OSBPL8: variants seen among roughly 807,000 people sequenced by gnomAD.
The protein encoded by OSBPL8 is oxysterol-binding protein-related protein 8.
In OSBPL8, 59 loss-of-function variants were observed where a neutral mutation model predicts 125.5. The ratio of observed to expected loss-of-function variants is 0.47; its 90% CI spans 0.38 to 0.58. OSBPL8 has a LOEUF of 0.58. OSBPL8 is among the 20% of genes least tolerant of loss of function. OSBPL8 has a pLI of 0.00. For missense variants in OSBPL8, 758 were observed against 1,047.8 expected, an observed-to-expected ratio of 0.72 and a Z score of 3.82; for synonymous variants, 330 against 338.9, an observed-to-expected ratio of 0.97 and a Z score of 0.29.
chr12:76,457,762 C>A (rs1464043084), intron 3 of OSBPL8, among the ~76,000 whole-genome samples: 1 of 151,704 alleles, frequency 6.6e-6, no homozygotes, highest in South Asian at 2.1e-4. Context: ...TTCTTCTATT[C>A]GAAGTAAAAA....
At chr12:76,375,185 T>C (rs1162103663) in intron 17 of OSBPL8, 88 bp downstream of exon 17, 1 of 859,042 alleles carries the variant, frequency 1.2e-6, no homozygotes, top group Non-Finnish European at 1.8e-6. Flanking sequence ...ATTTAGTCCT[T>C]AATTAGGAAA....
intron 2 of OSBPL8, among the ~76,000 whole-genome samples, chr12:76,482,234 T>C (rs898472860): frequency 6.6e-6 from 1 of 152,212 alleles, no homozygotes; most frequent in Non-Finnish European, 1.5e-5. Flanking sequence ...CAATTTTTAA[T>C]ACAATAAAAG....
Position 76,410,605 on chromosome 12 carries a change from G to T in OSBPL8, c.247C>A (p.Gln83Lys). 1 of 1,606,368 alleles carries T rather than the reference G, an allele frequency of 6.2e-7. No homozygotes were observed. Residue 83 changes from glutamine (Q) to lysine (K), a missense_variant, in exon 5 of 24, where the codon CAA (glutamine) becomes AAA (lysine). Around this residue, in one of 3 missense-constraint regions of OSBPL8, gnomAD observed 117 missense variants for 137.1 expected, o/e 0.85. Coordinates refer to ENST00000261183, the MANE Select transcript of OSBPL8 (RefSeq NM_020841.5). ...GFERGKEDIS[Q>K]NKDESSLSMS... ...GAAAGTGAAGATTCATCTTTATTTTGAGAAATATCTTCCTTCCCTCTTTCA... is the reference window on the plus strand; with the variant it reads ...GAAAGTGAAGATTCATCTTTATTTTTAGAAATATCTTCCTTCCCTCTTTCA...
chr12:76,366,543 T>A (rs1049763166), intron 21 of OSBPL8: 3 of 431,822 alleles, frequency 6.9e-6, no homozygotes, highest in Non-Finnish European at 1.4e-5. Flanking sequence ...ATTTTGTTTA[T>A]CTGTACTCTA....
chr12:76,375,741 TAAA>T (rs75181715), intron 16 of OSBPL8, among the ~76,000 whole-genome samples: 7 of 146,708 alleles, frequency 4.8e-5, no homozygotes, highest in Non-Finnish European at 7.5e-5. Context: ...CACATTGTTT[TAAA>T]AAAAAAAAAA....
At chr12:76,428,268 C>T (rs1258376282) in intron 4 of OSBPL8, among the ~76,000 whole-genome samples, 1 of 151,742 alleles carries the variant, frequency 6.6e-6, no homozygotes, top group Admixed American at 6.6e-5. Context: ...CTGCTAAATG[C>T]CCAGAGAAAA....
intron 2 of OSBPL8, among the ~76,000 whole-genome samples, chr12:76,477,220 T>C (rs1344222858): frequency 6.6e-6 from 1 of 152,224 alleles, no homozygotes; most frequent in African/African-American, 2.4e-5. Flanking sequence ...GAGTTTCCTT[T>C]ATACTCTTAG....
intron 6 of OSBPL8, among the ~76,000 whole-genome samples, chr12:76,402,108 AATAT>A (rs969317073): frequency 4.6e-5 from 7 of 152,166 alleles, no homozygotes; most frequent in African/African-American, 1.7e-4. Context: ...TGCAAATACA[AATAT>A]ATATAGGACC....
chr12:76,548,085 G>A (rs149537661), intron 1 of OSBPL8, among the ~76,000 whole-genome samples: 95 of 152,158 alleles, frequency 6.2e-4, no homozygotes, highest in African/African-American at 2.3e-3. Flanking sequence ...TATGAAGCTA[G>A]AAGAAGACTT....
chr12:76,377,255 T>C (rs929518726), intron 16 of OSBPL8, among the ~76,000 whole-genome samples: 1 of 152,214 alleles, frequency 6.6e-6, no homozygotes, highest in African/African-American at 2.4e-5. Context: ...TGTGTCTTTA[T>C]AGCAGAATAA....
At position 76,369,774 on chromosome 12, in the gene OSBPL8, T is replaced by A; in HGVS notation, c.2103A>T (p.Glu701Asp). 1.2e-6 allele frequency: 2 copies of A among 1,613,618 alleles called. No individual in the cohort carries two copies. The highest frequency in any genetic ancestry group is 1.7e-6 in the Non-Finnish European group (2 of 1,179,704). Residue 701 changes from glutamate (E) to aspartate (D), a missense_variant, in exon 20 of 24, where the codon GAA becomes GAT. Transcript: ENST00000261183. ...TRAINAKDQT[E>D]ATQEKYVLEE... ...CCAAAACATACTTCTCTTGGGTAGC[T>A]TCAGTTTGGTCTTTGGCATTTATGG...
intron 1 of OSBPL8, among the ~76,000 whole-genome samples, chr12:76,557,004 T>C (rs1009550276): frequency 1.3e-5 from 2 of 152,292 alleles, no homozygotes; most frequent in African/African-American, 4.8e-5. Context: ...TCTGTCTTAT[T>C]TGCAGGTCAT....
intron 8 of OSBPL8, 33 bp downstream of exon 8, chr12:76,397,661 T>C (rs1953870340): frequency 6.3e-7 from 1 of 1,584,686 alleles, no homozygotes; most frequent in Non-Finnish European, 8.7e-7. Flanking sequence ...TTATCATCTT[T>C]ACCTTTCACC....
intron 1 of OSBPL8, among the ~76,000 whole-genome samples, chr12:76,516,335 C>A (rs746655999): frequency 5.3e-5 from 8 of 152,180 alleles, no homozygotes; most frequent in African/African-American, 1.9e-4. Context: ...AATAAACTAA[C>A]CTTACCTTCC....
intron 2 of OSBPL8, among the ~76,000 whole-genome samples, chr12:76,464,017 A>C (rs1047926166): frequency 2.0e-5 from 3 of 152,264 alleles, no homozygotes; most frequent in African/African-American, 7.2e-5. Context: ...TAACTTGTAC[A>C]ATATTTAAAA....
At chr12:76,536,545 T>C (rs532903296) in intron 1 of OSBPL8, among the ~76,000 whole-genome samples, 1 of 152,090 alleles carries the variant, frequency 6.6e-6, no homozygotes, top group South Asian at 2.1e-4. Flanking sequence ...TTCATATTAG[T>C]TGAATTTGTA....
intron 21 of OSBPL8, among the ~76,000 whole-genome samples, chr12:76,362,569 G>A (rs904950599): frequency 6.6e-6 from 1 of 152,020 alleles, no homozygotes; most frequent in Non-Finnish European, 1.5e-5. Context: ...ACCCACAGCC[G>A]ATATCATACT....
intron 2 of OSBPL8, among the ~76,000 whole-genome samples, chr12:76,482,564 G>T (rs933131563): frequency 6.6e-6 from 1 of 152,108 alleles, no homozygotes; most frequent in African/African-American, 2.4e-5. Flanking sequence ...AGTGGGCCAA[G>T]ATCGTGCCAT....
At chr12:76,440,346 T>C (rs1467769118) in intron 4 of OSBPL8, among the ~76,000 whole-genome samples, 1 of 152,082 alleles carries the variant, frequency 6.6e-6, no homozygotes, top group Non-Finnish European at 1.5e-5. Context: ...GGTGACGGTA[T>C]TTTAGATTTT....
Sources: gnomAD v4.1 joint callset for allele counts (sites outside exome capture counted in the v4.1 genomes callset) on GRCh38, gnomAD v4.1.1 for gene constraint, gnomAD v4.1.1 regional missense constraint, MANE v1.5 for transcripts, NCBI Gene and HGNC (gene_info 2026-07-23, HGNC 2026-07-21) for gene names.